The following SMIM36 variants were observed in gnomAD, a reference collection of about 807,000 sequenced individuals.
SMIM36 encodes the protein small integral membrane protein 36.
intron 1 of SMIM36, among the ~76,000 whole-genome samples, chr17:55,498,583 ATT>A (rs200549052): frequency 6.8e-6 from 1 of 147,042 alleles, no homozygotes; most frequent in African/African-American, 2.5e-5. Flanking sequence ...GATTATATCC[ATT>A]TTTTTTTTTT....
intron 1 of SMIM36, among the ~76,000 whole-genome samples, chr17:55,491,532 C>A (rs973209694): frequency 2.0e-5 from 3 of 152,126 alleles, no homozygotes; most frequent in African/African-American, 7.2e-5. Context: ...GGCAATGTAA[C>A]TAACAAAAAT....
chr17:55,454,398 A>C (rs148525732), intron 4 of SMIM36, among the ~76,000 whole-genome samples: 2 of 152,344 alleles, frequency 1.3e-5, no homozygotes, highest in East Asian at 1.9e-4. Flanking sequence ...CCTCACTAAA[A>C]AATAAAAAAG....
At chr17:55,525,405 TC>T in the SMIM36 span, among the ~76,000 whole-genome samples, 1 of 152,154 alleles carries the variant, frequency 6.6e-6, no homozygotes, top group Admixed American at 6.5e-5. Flanking sequence ...CAAGTCCAAA[TC>T]CTACCTCCCC....
chr17:55,522,676 G>A, the SMIM36 span, among the ~76,000 whole-genome samples: 66,637 of 151,976 alleles, frequency 0.44, 16,054 homozygotes, highest in East Asian at 0.66. Flanking sequence ...TTGAGGTGAG[G>A]TTTGGGTGGG....
At position 55,500,835 on chromosome 17, in the gene SMIM36, A is replaced by T. The variant is rs1317040271; in HGVS notation, c.*174+10044T>A. Among the ~76,000 whole-genome samples, 4 of 31,316 alleles carry T rather than the reference A, an allele frequency of 1.3e-4. 2 individuals carry two copies. The African/African-American group carries it at 1.6e-3, about 13-fold the overall frequency. 20.5% of individuals were successfully genotyped at this position (31,316 alleles called of 152,430 possible). On this transcript the variant is annotated intron_variant, in intron 1 of 4. Coordinates refer to ENST00000636752, the Ensembl canonical transcript of SMIM36. Reference sequence around the variant, plus strand: ...TAATATATTATATTTTATAATATATATTATAATATATTATATTATAATATA... The same window carrying T: ...TAATATATTATATTTTATAATATATTTTATAATATATTATATTATAATATA...
At chr17:55,512,500 A>G (rs1468070258), upstream of SMIM36, among the ~76,000 whole-genome samples, 1 of 152,238 alleles carries the variant, frequency 6.6e-6, no homozygotes, top group African/African-American at 2.4e-5. Flanking sequence ...AAAAACAAGC[A>G]AATTGAGAGG....
At chr17:55,489,248 C>A (rs1909660523) in intron 1 of SMIM36, among the ~76,000 whole-genome samples, 1 of 151,994 alleles carries the variant, frequency 6.6e-6, no homozygotes. Flanking sequence ...CGTGGTGGTG[C>A]ATGCCTGTAA....
chr17:55,458,626 C>T (rs746963751), intron 4 of SMIM36, among the ~76,000 whole-genome samples: 1 of 147,074 alleles, frequency 6.8e-6, no homozygotes, highest in Non-Finnish European at 1.5e-5. Context: ...TCAAAAGGAG[C>T]ACGTCGGCTG....
intron 1 of SMIM36, among the ~76,000 whole-genome samples, chr17:55,481,288 T>G (rs2143276596): frequency 6.6e-6 from 1 of 152,254 alleles, no homozygotes; most frequent in Non-Finnish European, 1.5e-5. Flanking sequence ...AAGCTTCAAG[T>G]AGAATAGGTT....
intron 4 of SMIM36, among the ~76,000 whole-genome samples, chr17:55,466,898 A>G (rs954158949): frequency 2.0e-5 from 3 of 152,172 alleles, no homozygotes; most frequent in Non-Finnish European, 4.4e-5. Flanking sequence ...TTTTGTTTTT[A>G]TCTCAAGGCT....
chr17:55,500,264 A>T (rs1909884800), intron 1 of SMIM36, among the ~76,000 whole-genome samples: 1 of 151,992 alleles, frequency 6.6e-6, no homozygotes, highest in South Asian at 2.1e-4. Context: ...AGCTGGGACT[A>T]CAGGTGCCAG....
At chr17:55,529,775 A>G in the SMIM36 span, among the ~76,000 whole-genome samples, 2 of 152,110 alleles carry the variant, frequency 1.3e-5, no homozygotes, top group South Asian at 2.1e-4. Flanking sequence ...TGGGTGATGG[A>G]CCCAGACCCT....
At chr17:55,500,295 T>C (rs2144715338) in intron 1 of SMIM36, among the ~76,000 whole-genome samples, 1 of 152,090 alleles carries the variant, frequency 6.6e-6, no homozygotes, top group East Asian at 1.9e-4. Flanking sequence ...CAGCTAATTC[T>C]TTCACTTCTT....
At chr17:55,515,084 G>GAGTTTTTTTTTT (rs1910246062), upstream of SMIM36, among the ~76,000 whole-genome samples, 2 of 56,104 alleles carry the variant, frequency 3.6e-5, 1 homozygote, top group African/African-American at 6.6e-5. Context: ...TTCTAGTCTA[G>GAGTTTTTTTTTT]TGTTTTTTTT....
chr17:55,531,382 G>T, the SMIM36 span, among the ~76,000 whole-genome samples: 1 of 152,152 alleles, frequency 6.6e-6, no homozygotes, highest in Non-Finnish European at 1.5e-5. Context: ...AGAGGCTTTT[G>T]ATAACCTCCT....
chr17:55,463,932 A>G (rs553261829), intron 4 of SMIM36, among the ~76,000 whole-genome samples: 2 of 152,266 alleles, frequency 1.3e-5, no homozygotes, highest in South Asian at 4.1e-4. Flanking sequence ...CCTGATCAAC[A>G]TGGCAAAACC....
chr17:55,471,365 C>A (rs776336850), intron 3 of SMIM36, among the ~76,000 whole-genome samples: 11 of 152,170 alleles, frequency 7.2e-5, no homozygotes, highest in Non-Finnish European at 1.5e-4. Flanking sequence ...GCTTCTTCAA[C>A]ATCTCTACTC....
At chr17:55,493,998 C>T (rs1052027509) in intron 1 of SMIM36, among the ~76,000 whole-genome samples, 26 of 152,210 alleles carry the variant, frequency 1.7e-4, no homozygotes, top group African/African-American at 6.0e-4. Flanking sequence ...ACCTGCTGCA[C>T]TTTCCCAGCC....
intron 4 of SMIM36, chr17:55,454,121 C>G (rs558374892): frequency 1.3e-5 from 2 of 152,264 alleles, no homozygotes; most frequent in Admixed American, 6.5e-5. Flanking sequence ...CCAGAAGTAA[C>G]TTTCCTAGGA....
Sources: gnomAD v4.1 joint callset for allele counts (sites outside exome capture counted in the v4.1 genomes callset) on GRCh38, gnomAD v4.1.1 for gene constraint, MANE v1.5 for transcripts, NCBI Gene and HGNC (gene_info 2026-07-23, HGNC 2026-07-21) for gene names.